ZNF385D: variants seen among roughly 807,000 people sequenced by gnomAD.
The protein encoded by ZNF385D is zinc finger protein 385D.
Under a neutral mutation model 35.8 loss-of-function variants are expected in ZNF385D, and 15 were observed. That is an observed-to-expected ratio of 0.42 (90% CI 0.28 to 0.64). The LOEUF is 0.64. Ranked by LOEUF, ZNF385D falls within the 30% of genes least tolerant of loss-of-function variation. The pLI is 0.23. For missense variants in ZNF385D, 474 were observed against 494.6 expected, an observed-to-expected ratio of 0.96 and a Z score of 0.39; for synonymous variants, 212 against 186.8, an observed-to-expected ratio of 1.13 and a Z score of -1.10.
chr3:21,653,405 A>G (rs2125225901), intron 2 of ZNF385D, among the ~76,000 whole-genome samples: 1 of 152,166 alleles, frequency 6.6e-6, no homozygotes, highest in South Asian at 2.1e-4. Flanking sequence ...AAGTCTCCTG[A>G]TACACATATG....
At chr3:22,302,713 A>G (rs539200719) in intron 2 of ZNF385D, among the ~76,000 whole-genome samples, 1 of 152,184 alleles carries the variant, frequency 6.6e-6, no homozygotes, top group Non-Finnish European at 1.5e-5. Context: ...TAGATATTGT[A>G]TTCTTGCACA....
intron 4 of ZNF385D, among the ~76,000 whole-genome samples, chr3:21,456,131 G>T (rs1230525697): frequency 6.6e-6 from 1 of 152,184 alleles, no homozygotes; most frequent in African/African-American, 2.4e-5. Context: ...CTTTTACACT[G>T]TTGGTGGGAC....
chr3:22,369,812 A>G (rs930074184), intron 2 of ZNF385D, among the ~76,000 whole-genome samples: 3 of 152,172 alleles, frequency 2.0e-5, no homozygotes, highest in African/African-American at 7.2e-5. Flanking sequence ...AAAACCTCAA[A>G]ATCTTTATAG....
At chr3:21,944,206 G>A (rs1701667278) in intron 3 of ZNF385D, among the ~76,000 whole-genome samples, 1 of 152,144 alleles carries the variant, frequency 6.6e-6, no homozygotes, top group Admixed American at 6.5e-5. Context: ...AATGAAAAGA[G>A]AGCAGGCTGT....
intron 1 of ZNF385D, among the ~76,000 whole-genome samples, chr3:21,671,069 G>T (rs190057969): frequency 6.6e-6 from 1 of 151,974 alleles, no homozygotes. Context: ...CCCACGGAGA[G>T]GCATAAAGCT....
intron 3 of ZNF385D, among the ~76,000 whole-genome samples, chr3:21,832,947 T>C (rs1453186181): frequency 2.0e-5 from 3 of 152,172 alleles, no homozygotes; most frequent in African/African-American, 7.2e-5. Context: ...TATGAGAATA[T>C]CTAAATATTA....
intron 2 of ZNF385D, among the ~76,000 whole-genome samples, chr3:21,569,837 T>C (rs2063273794): frequency 7.0e-6 from 1 of 142,820 alleles, no homozygotes; most frequent in Non-Finnish European, 1.5e-5. Flanking sequence ...GTGTTCTCAC[T>C]CATAGATGGG....
At chr3:22,104,030 C>T (rs1032648699) in intron 3 of ZNF385D, among the ~76,000 whole-genome samples, 2 of 152,024 alleles carry the variant, frequency 1.3e-5, no homozygotes, top group Admixed American at 6.6e-5. Context: ...ATAAAAATCA[C>T]ATTATAAAAA....
intron 3 of ZNF385D, among the ~76,000 whole-genome samples, chr3:21,980,174 C>T (rs1269507435): frequency 2.0e-5 from 3 of 152,150 alleles, no homozygotes; most frequent in African/African-American, 7.2e-5. Context: ...TTGCCAACAA[C>T]CAACAGTAAC....
intron 3 of ZNF385D, among the ~76,000 whole-genome samples, chr3:22,095,855 CAT>C (rs4044439): frequency 0.12 from 18,816 of 150,540 alleles, 1,476 homozygotes; most frequent in Middle Eastern, 0.23. Context: ...TTTAATTCAA[CAT>C]ATATATATAT....
At position 22,359,851 on chromosome 3, in the gene ZNF385D, C is replaced by T. The variant is rs955898167; in HGVS notation, c.106+12599G>A. Among the ~76,000 whole-genome samples the T allele has an allele frequency of 3.3e-5, 5 of 151,762 alleles. 1 individual carries two copies. The Admixed American group carries it at 3.3e-4, about 10-fold the overall frequency. On this transcript the variant is annotated intron_variant, in intron 2 of 5. Coordinates refer to the ZNF385D transcript ENST00000494108. The stretch of plus-strand genomic sequence containing the variant: ...TTATAATATCATTTATATTTCTTGG[C>T]CATATGACTATTTTTTAAACCTGTG...
At chr3:22,090,485 G>A (rs966814196) in intron 3 of ZNF385D, among the ~76,000 whole-genome samples, 2 of 151,850 alleles carry the variant, frequency 1.3e-5, no homozygotes, top group Non-Finnish European at 2.9e-5. Context: ...ATTTTTCTGA[G>A]TGACCCTGAG....
At chr3:22,188,085 G>A (rs185355690) in intron 2 of ZNF385D, among the ~76,000 whole-genome samples, 265 of 152,252 alleles carry the variant, frequency 1.7e-3, no homozygotes, top group Non-Finnish European at 1.4e-3. Flanking sequence ...CAGGAATCAC[G>A]GAGGAAAGAT....
chr3:21,858,439 T>C (rs138267997), intron 3 of ZNF385D, among the ~76,000 whole-genome samples: 3 of 152,100 alleles, frequency 2.0e-5, no homozygotes, highest in Admixed American at 6.5e-5. Flanking sequence ...CCCAGTGTGA[T>C]AGTATTAAAA....
intron 1 of ZNF385D, among the ~76,000 whole-genome samples, chr3:21,682,141 T>G (rs544110486): frequency 6.6e-6 from 1 of 152,322 alleles, no homozygotes; most frequent in East Asian, 1.9e-4. Flanking sequence ...GGAAGATGCA[T>G]AATTACATAG....
intron 2 of ZNF385D, among the ~76,000 whole-genome samples, chr3:22,225,913 G>T (rs1698525366): frequency 6.6e-6 from 1 of 152,048 alleles, no homozygotes; most frequent in South Asian, 2.1e-4. Context: ...TCAAATTGTT[G>T]TGCACGTGTG....
At chr3:21,895,345 T>TA (rs1699078496) in intron 3 of ZNF385D, among the ~76,000 whole-genome samples, 2 of 143,184 alleles carry the variant, frequency 1.4e-5, no homozygotes, top group African/African-American at 5.4e-5. Flanking sequence ...TTTTTTTTTT[T>TA]AAGACAGAGT....
chr3:21,626,495 T>G (rs756142204), intron 2 of ZNF385D, among the ~76,000 whole-genome samples: 3 of 152,130 alleles, frequency 2.0e-5, no homozygotes, highest in Non-Finnish European at 4.4e-5. Flanking sequence ...GACATTTCCT[T>G]TTGCTCCTTG....
intron 3 of ZNF385D, among the ~76,000 whole-genome samples, chr3:21,946,672 A>G (rs1701802703): frequency 6.6e-6 from 1 of 152,030 alleles, no homozygotes; most frequent in Non-Finnish European, 1.5e-5. Flanking sequence ...TCTCTATTAA[A>G]ACTACAAATA....
Sources: allele counts gnomAD v4.1 joint callset (sites outside exome capture counted in the v4.1 genomes callset), GRCh38; gene constraint gnomAD v4.1.1; transcripts MANE v1.5; gene names NCBI Gene and HGNC (gene_info 2026-07-23, HGNC 2026-07-21).